SNTG1: variants seen among roughly 807,000 people sequenced by gnomAD.
SNTG1 encodes gamma-1-syntrophin.
SNTG1 carries 39 observed loss-of-function variants against 74.7 expected under a neutral mutation model. That is an observed-to-expected ratio of 0.52 (90% CI 0.40 to 0.68). SNTG1 has a LOEUF of 0.68. Among genes scored for constraint, SNTG1 ranks in the 30% least tolerant of loss-of-function variants. The pLI is 0.00. For synonymous variants in SNTG1, 254 were observed against 217.1 expected (o/e 1.17, Z -1.49); for missense variants, 685 against 609.5 (o/e 1.12, Z -1.30).
chr8:50,441,836 A>G (rs1456359059), intron 5 of SNTG1, among the ~76,000 whole-genome samples: 3 of 152,190 alleles, frequency 2.0e-5, no homozygotes, highest in South Asian at 4.1e-4. Flanking sequence ...AATTACATTG[A>G]GATTTAGGGT....
chr8:50,131,985 C>T (rs1251871870), intron 1 of SNTG1, among the ~76,000 whole-genome samples: 2 of 151,930 alleles, frequency 1.3e-5, no homozygotes, highest in East Asian at 3.9e-4. Flanking sequence ...ATTAGTTGAC[C>T]ACATATGCAT....
At chr8:50,510,818 T>C (rs932982805) in intron 9 of SNTG1, among the ~76,000 whole-genome samples, 2 of 152,178 alleles carry the variant, frequency 1.3e-5, no homozygotes, top group African/African-American at 2.4e-5. Flanking sequence ...TCTTCTTTAT[T>C]AGTCTTGCTA....
chr8:50,477,444 A>G (rs1046810956), intron 8 of SNTG1, among the ~76,000 whole-genome samples: 2 of 152,200 alleles, frequency 1.3e-5, no homozygotes, highest in Admixed American at 6.5e-5. Context: ...ATTCAGGAAT[A>G]TACTACAAAA....
At position 49,939,393 on chromosome 8, in the gene SNTG1, T is replaced by G. The variant is rs907055284; in HGVS notation, c.-103+27162T>G. ...AAATAGTTTAATTGAATAAGACCCT[T>G]GTCATTGACCACTTAGTATACACAC... is the stretch of plus-strand genomic sequence containing the variant. On this transcript the variant is annotated intron_variant, in intron 1 of 18. Transcript: ENST00000642720. Among the ~76,000 whole-genome samples the G allele has an allele frequency of 2.4e-4, 37 of 152,324 alleles. 2 individuals carry two copies. The highest frequency in any genetic ancestry group is 9.2e-4 in the Admixed American group (14 of 15,300).
intron 1 of SNTG1, among the ~76,000 whole-genome samples, chr8:50,015,664 G>T (rs1037618139): frequency 6.6e-6 from 1 of 152,084 alleles, no homozygotes; most frequent in Non-Finnish European, 1.5e-5. Context: ...GTTTCAGATG[G>T]TGAATTTTAA....
intron 1 of SNTG1, among the ~76,000 whole-genome samples, chr8:50,043,438 G>A (rs1818812404): frequency 1.3e-5 from 2 of 152,114 alleles, no homozygotes; most frequent in African/African-American, 2.4e-5. Flanking sequence ...AGAAGTAACT[G>A]GAAACCATTT....
intron 8 of SNTG1, among the ~76,000 whole-genome samples, chr8:50,495,479 T>G (rs1211857922): frequency 2.0e-5 from 3 of 147,738 alleles, no homozygotes; most frequent in Non-Finnish European, 4.5e-5. Context: ...TTTTTTTTTT[T>G]GAGTTATTTC....
At chr8:50,789,199 A>T (rs1459226956) in intron 18 of SNTG1, among the ~76,000 whole-genome samples, 1 of 151,276 alleles carries the variant, frequency 6.6e-6, no homozygotes, top group Non-Finnish European at 1.5e-5. Flanking sequence ...CCATAAAACG[A>T]CTCTTGTAAA....
rs200074596 is a variant in SNTG1, at chr8:50,035,320, GT to G, written c.-103+123090del. On this transcript the variant is annotated intron_variant, in intron 1 of 18. Coordinates refer to ENST00000642720, the MANE Select transcript of SNTG1 (RefSeq NM_018967.5). ...TCTTTTACTCACACATCTCACCTCT[GT>G]GGGGGCTCCCTCTGTTCTTTTCCAA... Among the ~76,000 whole-genome samples the G allele has an allele frequency of 4.4e-3, 677 of 152,244 alleles. 6 individuals are homozygous for G. Among genetic ancestry groups the G allele is most frequent in the African/African-American group, 0.016 (654 of 41,532 alleles).
At chr8:49,913,754 A>G (rs1805779052) in intron 1 of SNTG1, among the ~76,000 whole-genome samples, 1 of 152,234 alleles carries the variant, frequency 6.6e-6, no homozygotes, top group African/African-American at 2.4e-5. Context: ...AGACTTAATC[A>G]TATTTTAAGA....
At chr8:50,720,167 G>A (rs1342037363) in intron 17 of SNTG1, among the ~76,000 whole-genome samples, 1 of 152,148 alleles carries the variant, frequency 6.6e-6, no homozygotes, top group African/African-American at 2.4e-5. Flanking sequence ...CATTGAGCTT[G>A]CTGTCCATTT....
In SNTG1 at chr8:50,233,238, G is replaced by A. The variant is rs571622187; in HGVS notation, c.-28+60603G>A. ...ATAGATCAATGGACCGGAAGAGATG[G>A]CCCTAAAATAGTCACATACAAAAAT... is the stretch of plus-strand genomic sequence containing the variant. On this transcript the variant is annotated intron_variant, in intron 2 of 18. Transcript: ENST00000642720. Among the ~76,000 whole-genome samples, 4 of 151,630 alleles carry A rather than the reference G, an allele frequency of 2.6e-5. No homozygotes were observed. The East Asian group carries it at 7.7e-4, about 29-fold the overall frequency.
intron 12 of SNTG1, among the ~76,000 whole-genome samples, chr8:50,570,537 G>A (rs1254452313): frequency 6.8e-6 from 1 of 147,470 alleles, no homozygotes; most frequent in Non-Finnish European, 1.5e-5. Flanking sequence ...GGGATTACAG[G>A]GTGAGCCACC....
intron 4 of SNTG1, among the ~76,000 whole-genome samples, chr8:50,417,387 G>A (rs907096973): frequency 1.3e-5 from 2 of 152,136 alleles, no homozygotes; most frequent in African/African-American, 4.8e-5. Context: ...GCACCTATGT[G>A]ATCCTCACAC....
At chr8:50,033,157 C>T (rs917293831) in intron 1 of SNTG1, among the ~76,000 whole-genome samples, 9 of 151,464 alleles carry the variant, frequency 5.9e-5, no homozygotes, top group African/African-American at 2.2e-4. Context: ...CTCTTGTTGC[C>T]CGGGTTGGAG....
chr8:50,365,938 A>G (rs949741172), intron 2 of SNTG1, among the ~76,000 whole-genome samples: 1 of 152,214 alleles, frequency 6.6e-6, no homozygotes, highest in Non-Finnish European at 1.5e-5. Flanking sequence ...GGCAGCTGAC[A>G]TAAAAGCAAT....
intron 17 of SNTG1, among the ~76,000 whole-genome samples, chr8:50,741,485 A>G (rs575020205): frequency 3.5e-4 from 54 of 152,206 alleles, no homozygotes; most frequent in South Asian, 1.2e-3. Context: ...AGTTTCTCAC[A>G]TAACAAAACA....
chr8:50,096,292 A>C (rs1265142912), intron 1 of SNTG1, among the ~76,000 whole-genome samples: 2 of 152,206 alleles, frequency 1.3e-5, no homozygotes, highest in Non-Finnish European at 2.9e-5. Context: ...GGAAGAGTTC[A>C]GCACTTTTTA....
chr8:50,709,234 T>C, intron 17 of SNTG1: 1 of 414,092 alleles, frequency 2.4e-6, no homozygotes, highest in Non-Finnish European at 4.3e-6. Context: ...TGTATCTATC[T>C]ATCAATCATT....
Sources: allele counts gnomAD v4.1 joint callset (sites outside exome capture counted in the v4.1 genomes callset), GRCh38; gene constraint gnomAD v4.1.1; transcripts MANE v1.5; gene names NCBI Gene and HGNC (gene_info 2026-07-23, HGNC 2026-07-21).